Variants in SMAP1 observed in about 807,000 individuals in gnomAD.
The protein encoded by SMAP1 is stromal membrane-associated protein 1.
A neutral mutation model predicts 58.5 loss-of-function variants in SMAP1; 24 were observed. The observed-to-expected ratio is 0.41, with a 90% CI of 0.30 to 0.58. The LOEUF (loss-of-function observed/expected upper bound fraction) is 0.58, where lower values mean the gene tolerates loss of function less well. SMAP1 is among the 20% of genes least tolerant of loss of function. The pLI, the probability that SMAP1 is intolerant of heterozygous loss-of-function variation, is 0.29. For missense variants in SMAP1, 563 were observed against 566.3 expected (o/e 0.99, Z 0.06); for synonymous variants, 216 against 196.6 (o/e 1.10, Z -0.82).
intron 7 of SMAP1, among the ~76,000 whole-genome samples, chr6:70,843,889 A>G (rs1256795812): frequency 3.3e-5 from 5 of 152,212 alleles, no homozygotes; most frequent in Admixed American, 3.3e-4. Flanking sequence ...ACACCAGGTC[A>G]TGGGAGATCA....
intron 1 of SMAP1, among the ~76,000 whole-genome samples, chr6:70,720,183 A>C (rs1054899183): frequency 2.6e-5 from 4 of 152,174 alleles, no homozygotes; most frequent in African/African-American, 9.7e-5. Flanking sequence ...AGATGGGAGA[A>C]ATTGGCCAAA....
rs867961760 is a variant in SMAP1 at position 70,758,452 on chromosome 6, A to C, written c.338+3387A>C. 2.0e-5 allele frequency among the ~76,000 whole-genome samples: 3 copies of C among 151,686 alleles called. No homozygotes were observed. The Middle Eastern group carries it at 0.01, about 516-fold the overall frequency. ...GAGTTAGTGGGTGCAGCACACCAGC[A>C]TGGCACATGTATACATATGTAACTA... On this transcript the variant is annotated intron_variant, in intron 3 of 10. Coordinates refer to ENST00000370455, the MANE Select transcript of SMAP1 (RefSeq NM_001044305.3).
At chr6:70,837,242 A>G (rs909814898) in intron 7 of SMAP1, among the ~76,000 whole-genome samples, 1 of 152,196 alleles carries the variant, frequency 6.6e-6, no homozygotes, top group African/African-American at 2.4e-5. Flanking sequence ...AAATACAAGT[A>G]ATGAGTTCTT....
intron 2 of SMAP1, among the ~76,000 whole-genome samples, chr6:70,740,629 T>C (rs1260884079): frequency 6.6e-6 from 1 of 152,184 alleles, no homozygotes; most frequent in African/African-American, 2.4e-5. Flanking sequence ...TTTCTCAGTT[T>C]GGGGTCCTAT....
At chr6:70,853,216 A>G (rs1366531457) in intron 8 of SMAP1, among the ~76,000 whole-genome samples, 1 of 151,518 alleles carries the variant, frequency 6.6e-6, no homozygotes, top group Non-Finnish European at 1.5e-5. Context: ...TTTTTAAGTG[A>G]TTTTTTAAAA....
At chr6:70,819,290 G>T (rs1469174697) in intron 6 of SMAP1, among the ~76,000 whole-genome samples, 1 of 149,188 alleles carries the variant, frequency 6.7e-6, no homozygotes, top group Non-Finnish European at 1.5e-5. Flanking sequence ...TGAGCTGCCA[G>T]TGTTTTAAAA....
rs1041432625 is a variant in SMAP1, at chr6:70,766,317, A to C, written c.339-7033A>C. On this transcript the variant is annotated intron_variant, in intron 3 of 10. Transcript: ENST00000370455. Reference sequence around the variant, plus strand: ...CTAGTTCTAGATCCCTGAGGAATCAACACACTGACTTCCACAATGGTTGAA... The same window carrying C: ...CTAGTTCTAGATCCCTGAGGAATCACCACACTGACTTCCACAATGGTTGAA... Among the ~76,000 whole-genome samples, 137 of 152,244 alleles carry C rather than the reference A, an allele frequency of 9.0e-4. 1 individual carries two copies. The highest frequency in any genetic ancestry group is 2.8e-3 in the African/African-American group (115 of 41,566).
chr6:70,740,269 C>T (rs1167602033), intron 2 of SMAP1, among the ~76,000 whole-genome samples: 1 of 152,070 alleles, frequency 6.6e-6, no homozygotes, highest in Non-Finnish European at 1.5e-5. Context: ...TGTTTAAAAA[C>T]AAGGCCATGG....
chr6:70,759,821 G>A (rs917588175), intron 3 of SMAP1: 4 of 429,364 alleles, frequency 9.3e-6, no homozygotes, highest in African/African-American at 4.1e-5. Context: ...CTTGACGTTC[G>A]ACACAGTGAA....
chr6:70,747,221 A>G (rs1766080586), intron 2 of SMAP1, among the ~76,000 whole-genome samples: 1 of 152,176 alleles, frequency 6.6e-6, no homozygotes, highest in Non-Finnish European at 1.5e-5. Context: ...TTATCTGGTC[A>G]TATGGTAAGT....
chr6:70,791,770 G>C lies in SMAP1; in HGVS notation c.495+1G>C, dbSNP rs1431011884. ...TGCTGTTGACAAAAATAAATTGGAG[G>C]TATGGTCATGTTTTAACCAGCTACA... On this transcript the variant is annotated splice_donor_variant, in intron 5 of 10. Transcript: ENST00000370455. LOFTEE classifies it high-confidence loss of function. 3 of 1,611,570 alleles carry C rather than the reference G, an allele frequency of 1.9e-6. No individual in the cohort carries two copies. Among genetic ancestry groups the C allele is most frequent in the Admixed American group, 3.3e-5 (2 of 59,882 alleles).
chr6:70,731,762 T>G (rs1214581778), intron 1 of SMAP1, among the ~76,000 whole-genome samples: 1 of 152,214 alleles, frequency 6.6e-6, no homozygotes, highest in Non-Finnish European at 1.5e-5. Flanking sequence ...TTGTTTCCCC[T>G]TCTTGCCAAC....
chr6:70,735,877 G>C (rs1562123651), intron 2 of SMAP1, among the ~76,000 whole-genome samples: 1 of 152,080 alleles, frequency 6.6e-6, no homozygotes, highest in Non-Finnish European at 1.5e-5. Flanking sequence ...TTTCATAATT[G>C]TGTTTCTAAT....
intron 1 of SMAP1, among the ~76,000 whole-genome samples, chr6:70,673,964 A>T (rs1766371578): frequency 6.6e-6 from 1 of 152,132 alleles, no homozygotes; most frequent in Non-Finnish European, 1.5e-5. Flanking sequence ...AAGGAGGCTT[A>T]CATCTCCTAA....
At position 70,861,872 on chromosome 6, in the gene SMAP1, T is replaced by C; in HGVS notation, c.*1538T>C. Reference sequence around the variant, plus strand: ...CTTTCGGTTCCAGTTCTTCGACTGTTGTTATCTGTTTGAGAAAGTCAGATT... The same window carrying C: ...CTTTCGGTTCCAGTTCTTCGACTGTCGTTATCTGTTTGAGAAAGTCAGATT... On this transcript the variant is annotated 3_prime_UTR_variant, in exon 11 of 11. Transcript: ENST00000370455. 6.2e-7 allele frequency: 1 copy of C among 1,614,070 alleles called. No individual in the cohort carries two copies. Among genetic ancestry groups the C allele is most frequent in the African/African-American group, 1.3e-5 (1 of 75,030 alleles).
chr6:70,830,781 G>A (rs548982607), intron 6 of SMAP1, among the ~76,000 whole-genome samples: 7 of 152,128 alleles, frequency 4.6e-5, no homozygotes, highest in Admixed American at 6.6e-5. Flanking sequence ...GAAATCTGTT[G>A]TTCCTCTCTA....
At chr6:70,742,540 C>A (rs191815208) in intron 2 of SMAP1, among the ~76,000 whole-genome samples, 1 of 152,308 alleles carries the variant, frequency 6.6e-6, no homozygotes, top group Non-Finnish European at 1.5e-5. Flanking sequence ...AGCTAGTCAG[C>A]AAGTCTCTAG....
rs141512616 is a variant in SMAP1, at chr6:70,667,980, C to T, written c.-44C>T. On this transcript the variant is annotated 5_prime_UTR_variant, in exon 1 of 11. Coordinates refer to ENST00000370455, the MANE Select transcript of SMAP1 (RefSeq NM_001044305.3). ...ACTCTGCCCGGCTCCAGCCAGCGTCCGCCGCCGCCGTAGCTGCCCCAGGCT... is the reference window on the plus strand; with the variant it reads ...ACTCTGCCCGGCTCCAGCCAGCGTCTGCCGCCGCCGTAGCTGCCCCAGGCT... 50,752 of 1,509,392 alleles carry T rather than the reference C, an allele frequency of 0.034. 997 individuals carry two copies. The highest frequency in any genetic ancestry group is 0.04 in the Non-Finnish European group (44,740 of 1,116,878). 93.5% of individuals were successfully genotyped at this position (1,509,392 alleles called of 1,614,324 possible). A position where few individuals can be genotyped will look rare whatever the true frequency, so the allele number is the denominator to read the frequency against.
intron 1 of SMAP1, among the ~76,000 whole-genome samples, chr6:70,715,731 C>CTATTT (rs1488136265): frequency 6.6e-6 from 1 of 152,004 alleles, no homozygotes; most frequent in South Asian, 2.1e-4. Flanking sequence ...CACTTTATTT[C>CTATTT]TATTTTATTT....
Sources: gnomAD v4.1 joint callset for allele counts (sites outside exome capture counted in the v4.1 genomes callset) on GRCh38, gnomAD v4.1.1 for gene constraint, MANE v1.5 for transcripts, NCBI Gene and HGNC (gene_info 2026-07-23, HGNC 2026-07-21) for gene names.